FILIP1: variants seen among roughly 807,000 people sequenced by gnomAD.
The protein encoded by FILIP1 is filamin-A-interacting protein 1.
Under a neutral mutation model 102.1 loss-of-function variants are expected in FILIP1, and 61 were observed. The ratio of observed to expected loss-of-function variants is 0.60; its 90% CI spans 0.49 to 0.74. FILIP1 has a LOEUF of 0.74. Ranked by LOEUF, FILIP1 falls within the 30% of genes least tolerant of loss-of-function variation. The pLI is 0.00. For missense variants in FILIP1, 1,314 were observed against 1,441.2 expected (o/e 0.91, Z 1.43); for synonymous variants, 491 against 526.9 (o/e 0.93, Z 0.93).
At chr6:75,388,526 T>G (rs763681625) in intron 2 of FILIP1, among the ~76,000 whole-genome samples, 4 of 152,226 alleles carry the variant, frequency 2.6e-5, no homozygotes, top group African/African-American at 7.2e-5. Context: ...GGAATGTTTT[T>G]CCATTTGTTT....
At chr6:75,394,747 A>G (rs1294602324) in intron 2 of FILIP1, among the ~76,000 whole-genome samples, 1 of 152,232 alleles carries the variant, frequency 6.6e-6, no homozygotes, top group African/African-American at 2.4e-5. Flanking sequence ...TTCACCTATC[A>G]GATTGGCAAA....
At chr6:75,305,271 A>G (rs2748254), downstream of FILIP1, among the ~76,000 whole-genome samples, 131,268 of 152,166 alleles carry the variant, frequency 0.86, 56,674 homozygotes, top group Non-Finnish European at 0.87. Flanking sequence ...CTATAACCCC[A>G]TGTTTTTCCC....
chr6:75,482,319 G>A (rs1263491118), intron 1 of FILIP1, among the ~76,000 whole-genome samples: 3 of 152,166 alleles, frequency 2.0e-5, no homozygotes, highest in African/African-American at 7.2e-5. Flanking sequence ...ATGGTAATAG[G>A]GAAATTCAAT....
intron 4 of FILIP1, among the ~76,000 whole-genome samples, chr6:75,327,381 A>G (rs1412051575): frequency 4.6e-5 from 7 of 152,018 alleles, no homozygotes; most frequent in Non-Finnish European, 2.9e-5. Flanking sequence ...ACTCTTGTCC[A>G]CCCACAGTCT....
At chr6:75,368,763 A>G (rs1400799620) in intron 2 of FILIP1, among the ~76,000 whole-genome samples, 1 of 152,230 alleles carries the variant, frequency 6.6e-6, no homozygotes, top group South Asian at 2.1e-4. Context: ...AGACTGGAGT[A>G]ATAAACTCAT....
chr6:75,419,091 T>C (rs1777365156), intron 1 of FILIP1, among the ~76,000 whole-genome samples: 2 of 152,082 alleles, frequency 1.3e-5, no homozygotes, highest in Admixed American at 1.3e-4. Context: ...TTTTAGTCAT[T>C]TATGCTGAAT....
chr6:75,377,434 T>A (rs773441314), intron 2 of FILIP1, among the ~76,000 whole-genome samples: 29 of 152,192 alleles, frequency 1.9e-4, no homozygotes, highest in Admixed American at 1.1e-3. Flanking sequence ...CATGAACATC[T>A]CATATGTACT....
chr6:75,407,516 G>A (rs1432443826), intron 2 of FILIP1, among the ~76,000 whole-genome samples: 5 of 152,280 alleles, frequency 3.3e-5, no homozygotes, highest in Admixed American at 1.3e-4. Context: ...GTGAGCCACC[G>A]CGCCCGACCT....
chr6:75,474,847 T>C (rs1379212735), intron 1 of FILIP1, among the ~76,000 whole-genome samples: 1 of 152,108 alleles, frequency 6.6e-6, no homozygotes, highest in Non-Finnish European at 1.5e-5. Context: ...TACCATCACC[T>C]TGGTACTGTC....
chr6:75,475,274 G>A (rs557641175), intron 1 of FILIP1, among the ~76,000 whole-genome samples: 1 of 152,254 alleles, frequency 6.6e-6, no homozygotes, highest in South Asian at 2.1e-4. Flanking sequence ...TAGTTCCAGA[G>A]ACACAGGTAA....
intron 3 of FILIP1, chr6:75,360,902 G>A (rs1192070118): frequency 6.6e-6 from 1 of 152,194 alleles, no homozygotes; most frequent in Non-Finnish European, 1.5e-5. Context: ...TTTGGAAGCA[G>A]GATTCTGCTC....
In FILIP1 at chr6:75,454,055, C is replaced by T. The variant is rs141702571; in HGVS notation, c.-6-39077G>A. ...CTGCAGATCAGAAGTCCAGATACAG[C>T]GTGGCTTAATTGTTTCTTCTGCTTA... On this transcript the variant is annotated intron_variant, in intron 1 of 5. Transcript: ENST00000237172. 17 of 455,758 alleles carry T rather than the reference C, an allele frequency of 3.7e-5. 1 individual carries two copies. Among genetic ancestry groups the T allele is most frequent in the Admixed American group, 1.4e-4 (6 of 42,478 alleles). The allele number at this position is 455,758 out of a possible 1,614,324, so 28.2% of individuals were successfully genotyped here.
intron 2 of FILIP1, among the ~76,000 whole-genome samples, chr6:75,373,536 C>A (rs546584861): frequency 5.9e-4 from 90 of 152,112 alleles, no homozygotes; most frequent in African/African-American, 1.1e-3. Flanking sequence ...AGCTCCTGGC[C>A]TCATGCAATC....
intron 1 of FILIP1, among the ~76,000 whole-genome samples, chr6:75,431,025 G>A (rs1409211996): frequency 1.3e-5 from 2 of 152,190 alleles, no homozygotes; most frequent in Non-Finnish European, 1.5e-5. Flanking sequence ...CAGGAAAGTT[G>A]CATGTTATAA....
chr6:75,476,048 C>T (rs978294897), intron 1 of FILIP1, among the ~76,000 whole-genome samples: 4 of 152,066 alleles, frequency 2.6e-5, no homozygotes, highest in Non-Finnish European at 5.9e-5. Context: ...CGAGACCAGC[C>T]TGGCCAACAT....
intron 2 of FILIP1, among the ~76,000 whole-genome samples, chr6:75,382,179 C>T (rs1181960306): frequency 6.6e-6 from 1 of 152,160 alleles, no homozygotes; most frequent in African/African-American, 2.4e-5. Context: ...TTTTCAATAG[C>T]TTCCTTAAAG....
chr6:75,403,146 A>G (rs1280868031), intron 2 of FILIP1, among the ~76,000 whole-genome samples: 1 of 152,074 alleles, frequency 6.6e-6, no homozygotes, highest in East Asian at 1.9e-4. Context: ...ATGGCAGGAG[A>G]AAGATAAGCA....
At chr6:75,394,051 A>G (rs981163319) in intron 2 of FILIP1, among the ~76,000 whole-genome samples, 1 of 152,100 alleles carries the variant, frequency 6.6e-6, no homozygotes, top group Admixed American at 6.6e-5. Context: ...TAGTCATCTT[A>G]TGTCTTCCCT....
chr6:75,490,802 T>C (rs1003783931), intron 1 of FILIP1, among the ~76,000 whole-genome samples: 2 of 152,156 alleles, frequency 1.3e-5, no homozygotes, highest in African/African-American at 4.8e-5. Flanking sequence ...CTGTGCGTGG[T>C]AAAACCATGA....
Sources: allele counts gnomAD v4.1 joint callset (sites outside exome capture counted in the v4.1 genomes callset), GRCh38; gene constraint gnomAD v4.1.1; transcripts MANE v1.5; gene names NCBI Gene and HGNC (gene_info 2026-07-23, HGNC 2026-07-21).